Variants in CPLANE1 observed in about 807,000 individuals in gnomAD.
CPLANE1 encodes the protein ciliogenesis and planar polarity effector 1.
Under a neutral mutation model 362.5 loss-of-function variants are expected in CPLANE1, and 263 were observed. That is an observed-to-expected ratio of 0.73 (90% confidence interval 0.66 to 0.80). The LOEUF (loss-of-function observed/expected upper bound fraction) is 0.80. CPLANE1 is among the 30% of genes least tolerant of loss of function. The probability of loss-of-function intolerance (pLI) is 0.00; values close to 1 mark genes in which losing one functional copy is unlikely to be tolerated. For synonymous variants in CPLANE1, 1,212 were observed against 1,302.6 expected (o/e 0.93, Z 1.50); for missense variants, 3,461 against 3,793.4 (o/e 0.91, Z 2.30).
the CPLANE1 span, chr5:37,085,826 C>A: frequency 7.3e-7 from 1 of 1,374,554 alleles, no homozygotes; most frequent in South Asian, 1.2e-5. Context: ...AGACAAAAGA[C>A]TGGGGGCCAA....
the CPLANE1 span, among the ~76,000 whole-genome samples, chr5:37,097,420 G>A: frequency 1.3e-5 from 2 of 152,106 alleles, no homozygotes; most frequent in African/African-American, 4.8e-5. Flanking sequence ...GCTCCAGAAG[G>A]TGAAGAGAAG....
chr5:37,180,828 T>G, intron 27 of CPLANE1, 29 bp downstream of exon 27: 1 of 1,605,826 alleles, frequency 6.2e-7, no homozygotes, highest in East Asian at 2.2e-5. Flanking sequence ...TGTCTTATAT[T>G]GAAAAGAAGA....
chr5:37,185,262 G>C (rs1163484095), intron 24 of CPLANE1, among the ~76,000 whole-genome samples, 183 bp from the exon 25 acceptor site: 5 of 151,978 alleles, frequency 3.3e-5, no homozygotes, highest in African/African-American at 9.7e-5. Flanking sequence ...AAGTAGAACT[G>C]CAGAAGCTAA....
chr5:37,170,426 A>C (rs1779456371), intron 32 of CPLANE1, 95 bp from the exon 33 acceptor site: 6 of 1,249,006 alleles, frequency 4.8e-6, no homozygotes, highest in Admixed American at 2.3e-5. Flanking sequence ...CAATAGTCAC[A>C]CGTTTGTCTT....
At chr5:37,185,105 T>C (rs772877779) in intron 24 of CPLANE1, 26 bp from the exon 25 acceptor site, 5 of 1,564,878 alleles carry the variant, frequency 3.2e-6, no homozygotes, top group Non-Finnish European at 3.4e-6. Flanking sequence ...TAAAAAGTCT[T>C]AGTGTTCATT....
In CPLANE1 at chr5:37,226,829, G is replaced by A; in HGVS notation, c.1766C>T (p.Thr589Ile). 1 of 1,550,038 alleles carries A rather than the reference G, an allele frequency of 6.5e-7. No homozygotes were observed. Among genetic ancestry groups the A allele is most frequent in the Non-Finnish European group, 8.7e-7 (1 of 1,146,480 alleles). Residue 589 changes from threonine (T) to isoleucine (I), a missense_variant, in exon 12 of 53, where the codon ACA becomes ATA. This residue lies in a region of CPLANE1 where 3,380 missense variants were observed against 3,666.1 expected (regional missense o/e 0.92). Coordinates refer to ENST00000651892, the MANE Select transcript of CPLANE1 (RefSeq NM_001384732.1). ...AWTIGISKTV[T>I]EKNLMLNYIV... is the part of the protein sequence containing the mutation. ...GTAATTTAACATTAAATTTTTTTCT[G>A]TCACAGTTTTTGAAATTCCTATAGT... is the stretch of plus-strand genomic sequence containing the variant.
intron 21 of CPLANE1, among the ~76,000 whole-genome samples, chr5:37,194,880 C>T (rs1270232630): frequency 6.6e-6 from 1 of 151,524 alleles, no homozygotes; most frequent in African/African-American, 2.4e-5. Flanking sequence ...TGGCCAGGCG[C>T]GGTGGCTCAC....
At chr5:37,089,987 T>C in the CPLANE1 span, among the ~76,000 whole-genome samples, 1 of 152,176 alleles carries the variant, frequency 6.6e-6, no homozygotes, top group Non-Finnish European at 1.5e-5. Context: ...TATTCCTCTG[T>C]CGTAAAGAAA....
chr5:37,083,142 G>A, the CPLANE1 span, among the ~76,000 whole-genome samples: 1 of 152,188 alleles, frequency 6.6e-6, no homozygotes, highest in Non-Finnish European at 1.5e-5. Context: ...CTGGAGCCTG[G>A]CAGACTTGCT....
chr5:37,200,060 G>A (rs1308100409), intron 19 of CPLANE1, among the ~76,000 whole-genome samples: 9 of 152,168 alleles, frequency 5.9e-5, no homozygotes. Context: ...TAGTCTTCAG[G>A]TGAAGATGAC....
intron 12 of CPLANE1, among the ~76,000 whole-genome samples, chr5:37,225,929 T>C (rs1255354060): frequency 6.6e-6 from 1 of 152,016 alleles, no homozygotes; most frequent in Non-Finnish European, 1.5e-5. Flanking sequence ...AGATCATGGT[T>C]TTCCGAGACT....
chr5:37,191,523 T>C (rs1198128777), intron 21 of CPLANE1, among the ~76,000 whole-genome samples: 4 of 151,842 alleles, frequency 2.6e-5, no homozygotes, highest in Admixed American at 6.6e-5. Context: ...ATACAAAAAT[T>C]AACCAGGTAT....
At chr5:37,127,828 A>C (rs1403155216) in intron 46 of CPLANE1, among the ~76,000 whole-genome samples, 1 of 151,736 alleles carries the variant, frequency 6.6e-6, no homozygotes, top group Non-Finnish European at 1.5e-5. Flanking sequence ...TATTTAATTA[A>C]ATTTATTTAT....
At chr5:37,217,920 C>T (rs1794487522) in intron 15 of CPLANE1, among the ~76,000 whole-genome samples, 1 of 151,768 alleles carries the variant, frequency 6.6e-6, no homozygotes, top group South Asian at 2.1e-4. Context: ...GCAGAGGTTG[C>T]AATGAGCCGA....
At chr5:37,225,126 G>A (rs1469455507) in intron 12 of CPLANE1, among the ~76,000 whole-genome samples, 1 of 151,750 alleles carries the variant, frequency 6.6e-6, no homozygotes, top group Non-Finnish European at 1.5e-5. Context: ...CTGAATTGCA[G>A]TGGCTCCATC....
At chr5:37,208,310 C>T (rs990731573) in intron 16 of CPLANE1, among the ~76,000 whole-genome samples, 2 of 152,206 alleles carry the variant, frequency 1.3e-5, no homozygotes, top group Admixed American at 1.3e-4. Flanking sequence ...TTGTTCTTGC[C>T]CTGGGGCTTT....
intron 8 of CPLANE1, among the ~76,000 whole-genome samples, chr5:37,233,255 G>A (rs552180527): frequency 2.8e-4 from 43 of 152,242 alleles, no homozygotes; most frequent in South Asian, 1.0e-3. Flanking sequence ...GGAGGAAGAG[G>A]GGAGACCAGG....
chr5:37,215,944 G>A (rs561019001), intron 15 of CPLANE1, among the ~76,000 whole-genome samples: 10 of 151,758 alleles, frequency 6.6e-5, no homozygotes, highest in African/African-American at 1.4e-4. Flanking sequence ...CCATCTTCCC[G>A]CCTCAGTCTC....
intron 15 of CPLANE1, among the ~76,000 whole-genome samples, chr5:37,218,839 T>G (rs1794728521): frequency 6.6e-6 from 1 of 151,358 alleles, no homozygotes. Context: ...TCCCAGCTAC[T>G]CGGGAGGCTG....
Sources: allele counts gnomAD v4.1 joint callset (sites outside exome capture counted in the v4.1 genomes callset), GRCh38; gene constraint gnomAD v4.1.1; regional missense constraint gnomAD v4.1.1; transcripts MANE v1.5; gene names NCBI Gene and HGNC (gene_info 2026-07-23, HGNC 2026-07-21).